SLC19A1: variants seen among roughly 807,000 people sequenced by gnomAD.
SLC19A1 encodes the protein solute carrier family 19 member 1, also known as reduced folate transporter.
SLC19A1 carries 37 observed loss-of-function variants against 35.3 expected under a neutral mutation model. The ratio of observed to expected loss-of-function variants is 1.05; its 90% CI spans 0.81 to 1.38. The LOEUF (loss-of-function observed/expected upper bound fraction) is 1.38. SLC19A1 is among the 40% of genes most tolerant of loss of function. The pLI is 0.00. For missense variants in SLC19A1, 831 were observed against 826.9 expected (o/e 1.00, Z -0.06); for synonymous variants, 460 against 398.5 (o/e 1.15, Z -1.84).
chr21:45,559,138 T>G (rs2078591480), intron 1 of SLC19A1, among the ~76,000 whole-genome samples: 2 of 152,168 alleles, frequency 1.3e-5, no homozygotes, highest in Non-Finnish European at 2.9e-5. Flanking sequence ...AGTCAATAAC[T>G]ACATAAATTT....
downstream of SLC19A1, chr21:45,510,042 T>G: frequency 1.3e-6 from 2 of 1,541,964 alleles, no homozygotes; most frequent in Non-Finnish European, 8.7e-7. Context: ...ACACAGCCCG[T>G]GACGCGCCCC....
downstream of SLC19A1, among the ~76,000 whole-genome samples, chr21:45,508,095 G>A (rs1465263227): frequency 2.1e-5 from 3 of 144,704 alleles, no homozygotes; most frequent in Non-Finnish European, 3.0e-5. Flanking sequence ...TGGGTGAGTG[G>A]ATGGATGGTG....
chr21:45,531,528 C>G lies in SLC19A1; in HGVS notation c.810G>C (p.Trp270Cys), dbSNP rs768545030. ...CCGAGTTGAAGACCCACCAGAGGGA[C>G]CACAGGCGCAGCTGCGGCCGCCGCA... ...DSLRRPQLRL[W>C]SLWWVFNSAG... The change falls in exon 3 of 6, where the codon TGG becomes TGC. Residue 270 changes from tryptophan (W) to cysteine (C), a missense_variant. Transcript: ENST00000311124. The G allele has an allele frequency of 1.1e-4, 175 of 1,612,530 alleles. No individual in the cohort carries two copies. The highest frequency in any genetic ancestry group is 1.3e-4 in the Non-Finnish European group (155 of 1,179,772).
At chr21:45,532,191 C>T (rs769688233) in intron 2 of SLC19A1, 43 bp from the exon 3 acceptor site, 6 of 1,505,080 alleles carry the variant, frequency 4.0e-6, no homozygotes, top group Non-Finnish European at 5.4e-6. Context: ...GTTAGCAATG[C>T]TGCCGCTGCG....
chr21:45,544,925 C>A (rs1423405393), upstream of SLC19A1, among the ~76,000 whole-genome samples: 2 of 152,204 alleles, frequency 1.3e-5, no homozygotes, highest in Non-Finnish European at 2.9e-5. Context: ...ACCGGCCAGT[C>A]CTCTGCCTTG....
downstream of SLC19A1, among the ~76,000 whole-genome samples, chr21:45,508,083 G>C (rs1484772843): frequency 6.8e-6 from 1 of 146,736 alleles, no homozygotes; most frequent in African/African-American, 2.5e-5. Flanking sequence ...ATGGTGGACA[G>C]GTGGGTGAGT....
chr21:45,530,532 C>T lies in SLC19A1; in HGVS notation c.1151+238G>A, dbSNP rs987881818. On this transcript the variant is annotated intron_variant, in intron 4 of 5. Coordinates refer to ENST00000311124, the MANE Select transcript of SLC19A1 (RefSeq NM_194255.4). The surrounding 1 kb of genome is among the most constrained non-coding windows in gnomAD (Gnocchi z 5.3). ...GTTGGGAGCAGGGCAAGGCTGTGAG[C>T]CCAGCAGGCTTCAGAGAGGAGCGTG... 6.6e-6 allele frequency among the ~76,000 whole-genome samples: 1 copy of T among 152,108 alleles called. No homozygotes were observed. Among genetic ancestry groups the T allele is most frequent in the Non-Finnish European group, 1.5e-5 (1 of 67,978 alleles).
At chr21:45,542,817 C>G (rs944331109), upstream of SLC19A1, among the ~76,000 whole-genome samples, 12 of 151,870 alleles carry the variant, frequency 7.9e-5, no homozygotes, top group Admixed American at 2.0e-4. Context: ...TCCTGACCCC[C>G]CCTCCTCGAC....
intron 3 of SLC19A1, 101 bp downstream of exon 3, chr21:45,531,288 G>A: frequency 6.8e-7 from 1 of 1,464,522 alleles, no homozygotes; most frequent in Non-Finnish European, 9.1e-7. Flanking sequence ...CATGGGGCAG[G>A]GGGCGGGAGA....
At chr21:45,508,227 T>G (rs2037347128), downstream of SLC19A1, among the ~76,000 whole-genome samples, 1 of 130,870 alleles carries the variant, frequency 7.6e-6, no homozygotes, top group African/African-American at 3.0e-5. Flanking sequence ...GGTGGGTGGA[T>G]AGTGGGTAAG....
chr21:45,562,063 G>A (rs544715824), intron 1 of SLC19A1, among the ~76,000 whole-genome samples: 13 of 149,978 alleles, frequency 8.7e-5, no homozygotes, highest in African/African-American at 2.2e-4. Flanking sequence ...CCCAGGAGGC[G>A]GAGTTTGTAG....
intron 4 of SLC19A1, among the ~76,000 whole-genome samples, chr21:45,529,664 GGTGT>G (rs1026568974): frequency 1.7e-4 from 26 of 151,424 alleles, no homozygotes; most frequent in African/African-American, 5.6e-4. Context: ...GTGAACGTGT[GGTGT>G]GTGTCCATGT....
At chr21:45,547,893 T>C (rs1005513927), upstream of SLC19A1, among the ~76,000 whole-genome samples, 2 of 152,246 alleles carry the variant, frequency 1.3e-5, no homozygotes, top group African/African-American at 4.8e-5. Flanking sequence ...GGAAGGCTCA[T>C]TATTAAGGTG....
intron 3 of SLC19A1, chr21:45,507,338 G>C: frequency 1.6e-6 from 1 of 620,498 alleles, no homozygotes; most frequent in Non-Finnish European, 2.9e-6. Flanking sequence ...AGGGCCGGGT[G>C]CTGGGCAGGG....
intron 1 of SLC19A1, among the ~76,000 whole-genome samples, chr21:45,541,140 G>A (rs566186641): frequency 3.9e-5 from 6 of 152,282 alleles, no homozygotes; most frequent in African/African-American, 1.2e-4. Flanking sequence ...CCAAACACCC[G>A]AGAAGCACTC....
upstream of SLC19A1, among the ~76,000 whole-genome samples, chr21:45,542,662 G>A (rs1428599008): frequency 2.0e-5 from 3 of 147,488 alleles, no homozygotes; most frequent in South Asian, 2.1e-4. Context: ...CCCTACCCCT[G>A]GGGCCGCCCC....
Position 45,526,194 on chromosome 21 carries a change from C to T in SLC19A1, c.1152-236G>A, listed in dbSNP as rs553385732. Among the ~76,000 whole-genome samples, 51 of 152,334 alleles carry T rather than the reference C, an allele frequency of 3.3e-4. 1 individual carries two copies. The South Asian group carries it at 0.01, about 31-fold the overall frequency. ...GCCATTCTGGGAGCTGCCGTGTCCC[C>T]CTGGCTCAGTACAGAGTGAGGGTCC... is the stretch of plus-strand genomic sequence containing the variant. On this transcript the variant is annotated intron_variant, in intron 4 of 5. Coordinates refer to ENST00000311124, the MANE Select transcript of SLC19A1 (RefSeq NM_194255.4).
intron 3 of SLC19A1, chr21:45,505,919 C>G (rs1448315039): frequency 1.9e-6 from 3 of 1,613,018 alleles, no homozygotes; most frequent in Admixed American, 3.3e-5. Flanking sequence ...CGTGGCCGAG[C>G]AGGAGGAGCT....
At chr21:45,503,770 A>G (rs1321699151) in intron 3 of SLC19A1, among the ~76,000 whole-genome samples, 2 of 152,142 alleles carry the variant, frequency 1.3e-5, no homozygotes, top group East Asian at 1.9e-4. Flanking sequence ...CATGTACCCT[A>G]AAACTTAAAG....
Sources: allele counts gnomAD v4.1 joint callset (sites outside exome capture counted in the v4.1 genomes callset), GRCh38; gene constraint gnomAD v4.1.1; non-coding constraint Gnocchi (gnomAD v3.1); transcripts MANE v1.5; gene names NCBI Gene and HGNC (gene_info 2026-07-23, HGNC 2026-07-21).